The following NT5DC3 variants were observed in gnomAD, a reference collection of about 807,000 sequenced individuals.
The protein encoded by NT5DC3 is 5'-nucleotidase domain-containing protein 3.
A neutral mutation model predicts 67.8 loss-of-function variants in NT5DC3; 42 were observed. That is an observed-to-expected ratio of 0.62 (90% CI 0.48 to 0.80). The LOEUF (loss-of-function observed/expected upper bound fraction) is 0.80, where lower values mean the gene tolerates loss of function less well. NT5DC3 is among the 30% of genes least tolerant of loss of function. The pLI is 0.00. For missense variants in NT5DC3, 570 were observed against 696.4 expected, an observed-to-expected ratio of 0.82 and a Z score of 2.04; for synonymous variants, 237 against 255.6, an observed-to-expected ratio of 0.93 and a Z score of 0.69.
intron 13 of NT5DC3, among the ~76,000 whole-genome samples, 161 bp from the exon 14 acceptor site, chr12:103,778,242 A>C (rs1475925693): frequency 6.6e-6 from 1 of 152,074 alleles, no homozygotes; most frequent in Non-Finnish European, 1.5e-5. Context: ...TTAAGAAAAC[A>C]GCCTAGAGCC....
intron 1 of NT5DC3, among the ~76,000 whole-genome samples, chr12:103,836,404 C>T (rs1213418251): frequency 6.6e-6 from 1 of 152,140 alleles, no homozygotes; most frequent in African/African-American, 2.4e-5. Flanking sequence ...AGAGCCATTC[C>T]AAATGGGAGA....
chr12:103,780,972 A>T (rs941531490), intron 12 of NT5DC3, among the ~76,000 whole-genome samples: 1 of 115,986 alleles, frequency 8.6e-6, no homozygotes, highest in Admixed American at 1.0e-4. Context: ...TGTTTAATTT[A>T]AAAAAACAAT....
Position 103,841,028 on chromosome 12 carries a change from CA to C in NT5DC3, c.128del (p.Leu43CysfsTer11). 1 of 1,278,284 alleles carries C rather than the reference CA, an allele frequency of 7.8e-7. No homozygotes were observed. Among genetic ancestry groups the C allele is most frequent in the Non-Finnish European group, 9.9e-7 (1 of 1,012,330 alleles). The allele number at this position is 1,278,284 out of a possible 1,614,324, so 79.2% of individuals were successfully genotyped here. On this transcript the variant is annotated frameshift_variant, in exon 1 of 14. Transcript: ENST00000392876. LOFTEE classifies it high-confidence loss of function. ...GRPCAGPARP[L>X]CTAPGTAPDM... ...CCGGGGCGGTCCCGGGTGCAGTGCA[CA>C]AGGGCCGGGCGGGGCCCGCACACGG... is the stretch of plus-strand genomic sequence containing the variant.
At chr12:103,807,833 T>G (rs554640625) in intron 2 of NT5DC3, among the ~76,000 whole-genome samples, 4 of 152,306 alleles carry the variant, frequency 2.6e-5, no homozygotes, top group South Asian at 2.1e-4. Context: ...TTGGTTCTCA[T>G]TCTCTCTCTT....
intron 1 of NT5DC3, among the ~76,000 whole-genome samples, chr12:103,817,354 T>C (rs528880345): frequency 4.6e-5 from 7 of 152,358 alleles, no homozygotes; most frequent in Non-Finnish European, 7.3e-5. Context: ...GCTAAAATTA[T>C]ATATGACAGT....
chr12:103,766,312 C>A, downstream of NT5DC3: 1 of 1,613,828 alleles, frequency 6.2e-7, no homozygotes, highest in Non-Finnish European at 8.5e-7. Context: ...AGCTTGAGGG[C>A]AATGACCCCT....
At chr12:103,771,306 T>C (rs1241915169), downstream of NT5DC3, 3 of 152,236 alleles carry the variant, frequency 2.0e-5, no homozygotes, top group Non-Finnish European at 4.4e-5. Context: ...AAAATCTTCC[T>C]TTGGTTTACA....
At chr12:103,795,240 G>A (rs1886260373) in intron 6 of NT5DC3, among the ~76,000 whole-genome samples, 1 of 152,172 alleles carries the variant, frequency 6.6e-6, no homozygotes, top group African/African-American at 2.4e-5. Flanking sequence ...GTGCCTCGAT[G>A]TCCTTATTTG....
Position 103,775,844 on chromosome 12 carries a change from CATT to C in NT5DC3, c.*1982_*1984del, listed in dbSNP as rs1885323975. 1 of 152,186 alleles carries C rather than the reference CATT, an allele frequency of 6.6e-6. No individual in the cohort carries two copies. The highest frequency in any genetic ancestry group is 1.5e-5 in the Non-Finnish European group (1 of 68,036). The allele number at this position is 152,186 out of a possible 1,614,324, so 9.4% of individuals were successfully genotyped here. On this transcript the variant is annotated 3_prime_UTR_variant, in exon 14 of 14. Transcript: ENST00000392876. Reference sequence around the variant, plus strand: ...GCATTACAAAGGATGCTATATAACTCATTAAGTTTCTGCCATCTGGCAAGGAGC... The same window carrying C: ...GCATTACAAAGGATGCTATATAACTCAAGTTTCTGCCATCTGGCAAGGAGC...
chr12:103,806,907 T>C lies in NT5DC3; in HGVS notation c.416A>G (p.Tyr139Cys), dbSNP rs781532003. The change falls in exon 3 of 14, where the codon TAT (tyrosine) becomes TGT (cysteine). Residue 139 changes from tyrosine (Y) to cysteine (C), a missense_variant. Physicochemically the swap from Tyr to Cys is radical, Grantham distance 194. Transcript: ENST00000392876. ...EHRYPAEIRK[Y>C]EYDPNFAIRG... is the part of the protein sequence containing the mutation. ...AATTGCAAAATTTGGGTCATACTCA[T>C]ACTTCCTGATTTCTGCTGGATACTA... The C allele has an allele frequency of 4.4e-6, 7 of 1,606,526 alleles. No individual in the cohort carries two copies. The highest frequency in any genetic ancestry group is 6.0e-6 in the Non-Finnish European group (7 of 1,173,068).
intron 4 of NT5DC3, among the ~76,000 whole-genome samples, chr12:103,799,661 G>A (rs1229388095): frequency 2.0e-5 from 3 of 152,104 alleles, no homozygotes; most frequent in African/African-American, 4.8e-5. Context: ...ACTAAACCCC[G>A]TGACATGAGG....
chr12:103,807,084 A>G (rs1337250635), intron 2 of NT5DC3, among the ~76,000 whole-genome samples, 155 bp from the exon 3 acceptor site: 6 of 152,112 alleles, frequency 3.9e-5, no homozygotes, highest in Non-Finnish European at 8.8e-5. Context: ...TCTGCTTCCA[A>G]TCCAAGCGCC....
At chr12:103,798,722 C>T (rs1309962022) in intron 4 of NT5DC3, 45 bp from the exon 5 acceptor site, 2 of 1,388,996 alleles carry the variant, frequency 1.4e-6, no homozygotes, top group South Asian at 1.2e-5. Flanking sequence ...ACTAGAGAAA[C>T]CAATGATTTT....
the NT5DC3 span, chr12:103,746,833 C>T: frequency 1.2e-6 from 1 of 803,764 alleles, no homozygotes; most frequent in Admixed American, 2.0e-5. Flanking sequence ...CCTACCCTCT[C>T]TATGACTCAG....
intron 1 of NT5DC3, among the ~76,000 whole-genome samples, chr12:103,816,994 C>A (rs1593425413): frequency 3.4e-5 from 4 of 117,652 alleles, no homozygotes; most frequent in Admixed American, 9.9e-5. Context: ...TTTCATGGAA[C>A]ACTGTTGAGA....
chr12:103,761,342 G>A, the NT5DC3 span: 1 of 1,614,050 alleles, frequency 6.2e-7, no homozygotes, highest in Admixed American at 1.7e-5. Flanking sequence ...TCTGCAGTGG[G>A]ACATCTTTGC....
chr12:103,832,870 C>T (rs535263530), intron 1 of NT5DC3, among the ~76,000 whole-genome samples: 218 of 152,194 alleles, frequency 1.4e-3, no homozygotes, highest in Non-Finnish European at 2.5e-3. Context: ...CCTGGAATCC[C>T]CTGAAGTTAT....
intron 1 of NT5DC3, among the ~76,000 whole-genome samples, chr12:103,819,394 C>T (rs950397687): frequency 6.6e-6 from 1 of 152,220 alleles, no homozygotes; most frequent in African/African-American, 2.4e-5. Flanking sequence ...AAACTGAATG[C>T]CTCTTGACTA....
At chr12:103,762,463 C>G in the NT5DC3 span, 30 of 1,610,072 alleles carry the variant, frequency 1.9e-5, no homozygotes, top group African/African-American at 3.9e-4. Context: ...GTCCCTGGAC[C>G]TGGGCTGCTT....
Sources: allele counts gnomAD v4.1 joint callset (sites outside exome capture counted in the v4.1 genomes callset), GRCh38; gene constraint gnomAD v4.1.1; transcripts MANE v1.5; gene names NCBI Gene and HGNC (gene_info 2026-07-23, HGNC 2026-07-21).